Variants in KIAA1217 observed in about 807,000 individuals in gnomAD.
KIAA1217 encodes the protein sickle tail protein homolog.
KIAA1217 carries 88 observed loss-of-function variants against 163.9 expected under a neutral mutation model. The observed-to-expected ratio is 0.54, with a 90% CI of 0.45 to 0.64. KIAA1217 has a LOEUF of 0.64. KIAA1217 is among the 30% of genes least tolerant of loss of function. KIAA1217 has a pLI of 0.00. For synonymous variants in KIAA1217, 903 were observed against 923.1 expected (o/e 0.98, Z 0.39); for missense variants, 2,372 against 2,475.0 (o/e 0.96, Z 0.88).
At chr10:24,482,475 G>A (rs1205112347) in intron 6 of KIAA1217, 3 of 152,196 alleles carry the variant, frequency 2.0e-5, no homozygotes, top group East Asian at 1.9e-4. Context: ...CAGAATCGTG[G>A]GGTTCCCACC....
At chr10:24,530,237 A>C (rs1228034832) in intron 14 of KIAA1217, among the ~76,000 whole-genome samples, 1 of 152,120 alleles carries the variant, frequency 6.6e-6, no homozygotes, top group Non-Finnish European at 1.5e-5. Flanking sequence ...TTGTTCACTT[A>C]CCTCATTTTG....
At chr10:24,233,325 T>A (rs2071718771) in intron 2 of KIAA1217, among the ~76,000 whole-genome samples, 1 of 152,142 alleles carries the variant, frequency 6.6e-6, no homozygotes, top group African/African-American at 2.4e-5. Flanking sequence ...AAGTGAGAAC[T>A]CATTCACCCC....
intron 5 of KIAA1217, among the ~76,000 whole-genome samples, chr10:24,448,943 T>G (rs978963899): frequency 4.6e-5 from 7 of 152,238 alleles, no homozygotes; most frequent in African/African-American, 1.7e-4. Context: ...CAGACATCTA[T>G]AATTTTTCAC....
intron 2 of KIAA1217, among the ~76,000 whole-genome samples, chr10:24,022,759 G>A (rs147631897): frequency 6.6e-6 from 1 of 151,464 alleles, no homozygotes; most frequent in African/African-American, 2.4e-5. Context: ...CTTCCTAAAC[G>A]GGAATATTAT....
intron 2 of KIAA1217, among the ~76,000 whole-genome samples, chr10:24,125,063 G>A (rs1023223365): frequency 4.6e-5 from 7 of 152,090 alleles, no homozygotes; most frequent in African/African-American, 1.7e-4. Flanking sequence ...CACGAGGTCA[G>A]GAGTTTGAGA....
In KIAA1217 at chr10:24,176,844, G is replaced by A. The variant is rs377340003; in HGVS notation, c.-170-42782G>A. On this transcript the variant is annotated intron_variant, in intron 2 of 18. Transcript: ENST00000376462. ...GGGGCAGGGGAGGCTCAGGCATGGCGAGCTGCAGGTCCCGAGCCCTGCCCC... is the reference window on the plus strand; with the variant it reads ...GGGGCAGGGGAGGCTCAGGCATGGCAAGCTGCAGGTCCCGAGCCCTGCCCC... Among the ~76,000 whole-genome samples the A allele has an allele frequency of 8.5e-4, 130 of 152,270 alleles. No individual in the cohort carries two copies. The East Asian group carries it at 9.9e-3, about 12-fold the overall frequency.
intron 1 of KIAA1217, among the ~76,000 whole-genome samples, chr10:23,883,955 T>C (rs1841063055): frequency 6.6e-6 from 1 of 151,998 alleles, no homozygotes; most frequent in Non-Finnish European, 1.5e-5. Flanking sequence ...ATAACTCATT[T>C]ATCTTGAGTA....
chr10:24,066,289 C>T (rs1229877034), intron 2 of KIAA1217, among the ~76,000 whole-genome samples: 1 of 152,136 alleles, frequency 6.6e-6, no homozygotes, highest in Non-Finnish European at 1.5e-5. Flanking sequence ...ACCAGTTGTT[C>T]CTTTCCATGT....
intron 2 of KIAA1217, among the ~76,000 whole-genome samples, chr10:24,014,745 T>C (rs1847397709): frequency 6.6e-6 from 1 of 152,184 alleles, no homozygotes; most frequent in African/African-American, 2.4e-5. Flanking sequence ...TTTTGAAATA[T>C]GGCCAAGTTA....
intron 1 of KIAA1217, among the ~76,000 whole-genome samples, chr10:23,731,637 C>G (rs1838484817): frequency 6.6e-6 from 1 of 152,088 alleles, no homozygotes; most frequent in South Asian, 2.1e-4. Context: ...ACCCCCATCC[C>G]ATCATTTTTG....
intron 1 of KIAA1217, among the ~76,000 whole-genome samples, chr10:23,836,376 A>G (rs1838449813): frequency 6.6e-6 from 1 of 152,106 alleles, no homozygotes; most frequent in South Asian, 2.1e-4. Flanking sequence ...AACAAGAGGA[A>G]GTGAGAACAC....
At chr10:24,249,431 G>T (rs1423330609) in intron 2 of KIAA1217, among the ~76,000 whole-genome samples, 1 of 152,154 alleles carries the variant, frequency 6.6e-6, no homozygotes, top group Non-Finnish European at 1.5e-5. Context: ...AAGTGCTGTA[G>T]GCTTGGGGTG....
chr10:23,796,447 T>A (rs955495006), intron 1 of KIAA1217, among the ~76,000 whole-genome samples: 1 of 152,072 alleles, frequency 6.6e-6, no homozygotes, highest in Non-Finnish European at 1.5e-5. Context: ...CACTGCAACC[T>A]CTGCCTCCCG....
In KIAA1217 at chr10:23,760,764, G is replaced by T. The variant is rs114587517; in HGVS notation, c.-321+65530G>T. On this transcript the variant is annotated intron_variant, in intron 1 of 18. Transcript: ENST00000376462. ...GAGACCAGCCTGAGCAACATAGCAA[G>T]ACCCTGTCTCTGCAAAAAATTTTAA... Among the ~76,000 whole-genome samples, 1,061 of 152,196 alleles carry T rather than the reference G, an allele frequency of 7.0e-3. 17 individuals carry two copies. The highest frequency in any genetic ancestry group is 0.025 in the African/African-American group (1,018 of 41,508).
chr10:24,434,580 C>T (rs906846718), intron 4 of KIAA1217, among the ~76,000 whole-genome samples: 1 of 152,214 alleles, frequency 6.6e-6, no homozygotes, highest in Non-Finnish European at 1.5e-5. Flanking sequence ...AAGCAATCCT[C>T]TAGTCTCGGA....
chr10:24,519,007 C>T (rs2070661374), intron 10 of KIAA1217, among the ~76,000 whole-genome samples: 1 of 152,188 alleles, frequency 6.6e-6, no homozygotes, highest in African/African-American at 2.4e-5. Flanking sequence ...ATGTGGCATC[C>T]TGCCTGAACC....
Position 24,193,839 on chromosome 10 carries a change from CACACACAA to C in KIAA1217, c.-170-25785_-170-25778del, listed in dbSNP as rs746369221. ...ACACACACACACACACACACACACA[CACACACAA>C]AGCAGTCACGTGCATGTTCATGTAC... is the stretch of plus-strand genomic sequence containing the variant. On this transcript the variant is annotated intron_variant, in intron 2 of 18. Coordinates refer to the KIAA1217 transcript ENST00000376462. Among the ~76,000 whole-genome samples, 162 of 132,878 alleles carry C rather than the reference CACACACAA, an allele frequency of 1.2e-3. No homozygotes were observed. The Middle Eastern group carries it at 0.025, about 21-fold the overall frequency. 87.2% of individuals were successfully genotyped at this position (132,878 alleles called of 152,430 possible). A position where few individuals can be genotyped will look rare whatever the true frequency, so the allele number is the denominator to read the frequency against.
At chr10:24,367,256 T>G (rs1042937834) in intron 2 of KIAA1217, 15 of 640,358 alleles carry the variant, frequency 2.3e-5, no homozygotes, top group Admixed American at 1.9e-4. Context: ...CCTGCACCTT[T>G]CCCTCACCTG....
intron 1 of KIAA1217, among the ~76,000 whole-genome samples, chr10:23,810,517 GATAATCTATATATAGTATATATAGT>G (rs1296725016): frequency 3.0e-4 from 39 of 131,632 alleles, no homozygotes; most frequent in South Asian, 4.6e-4. Flanking sequence ...ATATACTATA[GATAATCTATATATAGTATATATAGT>G]ATAATCTATA....
Sources: gnomAD v4.1 joint callset for allele counts (sites outside exome capture counted in the v4.1 genomes callset) on GRCh38, gnomAD v4.1.1 for gene constraint, MANE v1.5 for transcripts, NCBI Gene and HGNC (gene_info 2026-07-23, HGNC 2026-07-21) for gene names.